Variants in ADA2 observed in about 807,000 individuals in gnomAD.
ADA2 encodes adenosine deaminase 2.
Under a neutral mutation model 44.2 loss-of-function variants are expected in ADA2, and 29 were observed. The ratio of observed to expected loss-of-function variants is 0.66; its 90% CI spans 0.49 to 0.89. The LOEUF (loss-of-function observed/expected upper bound fraction) is 0.89. ADA2 is among the 40% of genes least tolerant of loss of function. ADA2 has a pLI of 0.00. For synonymous variants in ADA2, 215 were observed against 234.9 expected (o/e 0.92, Z 0.77); for missense variants, 637 against 644.8 (o/e 0.99, Z 0.13).
At chr22:17,207,980 C>T (rs547721238) in intron 2 of ADA2, among the ~76,000 whole-genome samples, 2 of 152,296 alleles carry the variant, frequency 1.3e-5, no homozygotes, top group Admixed American at 6.5e-5. Context: ...AGGCACAGTG[C>T]ATGCTGTCCC....
intron 7 of ADA2, among the ~76,000 whole-genome samples, chr22:17,186,100 G>GGGGCA (rs966612974): frequency 2.0e-5 from 3 of 152,200 alleles, no homozygotes; most frequent in Non-Finnish European, 4.4e-5. Context: ...GGGCCTGCAT[G>GGGGCA]GGGCAGGGCA....
At chr22:17,211,874 G>A (rs950572477) in intron 1 of ADA2, among the ~76,000 whole-genome samples, 2 of 151,944 alleles carry the variant, frequency 1.3e-5, no homozygotes, top group African/African-American at 2.4e-5. Flanking sequence ...GTTGCAGTGA[G>A]CCAAGATCGT....
intron 7 of ADA2, among the ~76,000 whole-genome samples, chr22:17,184,395 GATTCCTCCCTGAT>G (rs1481573531): frequency 6.6e-6 from 1 of 152,086 alleles, no homozygotes; most frequent in African/African-American, 2.4e-5. Flanking sequence ...AGCTTTGGGG[GATTCCTCCCTGAT>G]AAAAGGGGAT....
In ADA2 at chr22:17,203,720, T is replaced by C; in HGVS notation, c.596A>G (p.Asn199Ser). ...AAATTTCGACCAGACAACATTTTGG[T>C]TTGTGTAAATCACCTCCGGGTGCTG... ...VTQHPEVIYTNQNVVWSKFET... is the reference protein window; with the variant it reads ...VTQHPEVIYTSQNVVWSKFET... Residue 199 changes from asparagine (N) to serine (S), a missense_variant, in exon 4 of 10, where the codon AAC becomes AGC. By Grantham distance (46) the Asn-to-Ser change is conservative. Transcript: ENST00000399837. 3.7e-6 allele frequency: 6 copies of C among 1,614,174 alleles called. No individual in the cohort carries two copies. Among genetic ancestry groups the C allele is most frequent in the Non-Finnish European group, 5.1e-6 (6 of 1,180,012 alleles).
intron 4 of ADA2, among the ~76,000 whole-genome samples, chr22:17,195,620 A>G (rs1252653681): frequency 6.6e-6 from 1 of 152,118 alleles, no homozygotes; most frequent in Non-Finnish European, 1.5e-5. Context: ...TGGTGGTGCA[A>G]TCTTGGTTCA....
intron 1 of ADA2, among the ~76,000 whole-genome samples, chr22:17,211,220 A>G (rs1281022645): frequency 6.6e-6 from 1 of 151,796 alleles, no homozygotes; most frequent in Non-Finnish European, 1.5e-5. Flanking sequence ...TTAGCTGGGC[A>G]TGGTGACGCA....
chr22:17,197,933 G>A (rs1041389919), intron 4 of ADA2, among the ~76,000 whole-genome samples: 4 of 152,002 alleles, frequency 2.6e-5, no homozygotes, highest in Non-Finnish European at 5.9e-5. Flanking sequence ...AGCTACTCGG[G>A]AGGCTGAGGC....
intron 4 of ADA2, chr22:17,193,141 C>T: frequency 2.1e-6 from 3 of 1,412,386 alleles, no homozygotes; most frequent in Non-Finnish European, 2.0e-6. Flanking sequence ...AGTTCCTGGT[C>T]CACAACATCA....
At chr22:17,191,296 C>T (rs1198385391) in intron 5 of ADA2, among the ~76,000 whole-genome samples, 1 of 152,244 alleles carries the variant, frequency 6.6e-6, no homozygotes, top group East Asian at 1.9e-4. Flanking sequence ...AGGACTCACA[C>T]ACAACCACAC....
At chr22:17,219,585 T>C (rs1327333547), upstream of ADA2, 12 of 152,158 alleles carry the variant, frequency 7.9e-5, no homozygotes, top group African/African-American at 2.9e-4. Context: ...CATCTGAGTT[T>C]GATGTGGGGG....
At chr22:17,221,458 C>A (rs2123744583), upstream of ADA2, among the ~76,000 whole-genome samples, 1 of 152,146 alleles carries the variant, frequency 6.6e-6, no homozygotes. Flanking sequence ...CCCCGACAGG[C>A]CCTGGTGTGT....
intron 4 of ADA2, among the ~76,000 whole-genome samples, chr22:17,200,614 G>A (rs1214974706): frequency 6.6e-6 from 1 of 152,142 alleles, no homozygotes; most frequent in East Asian, 1.9e-4. Context: ...TAAGGAAAAG[G>A]CCGGGCATGG....
chr22:17,213,589 A>C (rs1459116004), intron 1 of ADA2: 1 of 293,188 alleles, frequency 3.4e-6, no homozygotes, highest in Non-Finnish European at 6.8e-6. Context: ...AAGCGGAAGA[A>C]GAAAAAGAAG....
At chr22:17,218,504 G>A (rs757031700) in intron 1 of ADA2, among the ~76,000 whole-genome samples, 8 of 152,060 alleles carry the variant, frequency 5.3e-5, no homozygotes, top group Non-Finnish European at 7.3e-5. Flanking sequence ...GGAGCACGGT[G>A]ACTTCTATGT....
chr22:17,209,033 G>A (rs2062388099), intron 2 of ADA2, among the ~76,000 whole-genome samples: 1 of 151,798 alleles, frequency 6.6e-6, no homozygotes, highest in African/African-American at 2.4e-5. Flanking sequence ...GTTTCATGGA[G>A]GTGTGTTTAT....
At chr22:17,184,594 T>C (rs1439778054) in intron 7 of ADA2, among the ~76,000 whole-genome samples, 1 of 152,008 alleles carries the variant, frequency 6.6e-6, no homozygotes, top group African/African-American at 2.4e-5. Context: ...ATGTACTCTA[T>C]TCTTGCAGCC....
At chr22:17,197,256 C>T (rs977415751) in intron 4 of ADA2, among the ~76,000 whole-genome samples, 5 of 149,722 alleles carry the variant, frequency 3.3e-5, no homozygotes, top group African/African-American at 9.8e-5. Context: ...TTTTTTCTTT[C>T]TTTCTTTTTT....
chr22:17,201,359 A>G (rs1451250624), intron 4 of ADA2, among the ~76,000 whole-genome samples: 2 of 152,204 alleles, frequency 1.3e-5, no homozygotes, highest in African/African-American at 2.4e-5. Flanking sequence ...GCGGAGTCCT[A>G]TCACTTCTGG....
At chr22:17,183,492 G>A (rs2061997887) in intron 7 of ADA2, among the ~76,000 whole-genome samples, 5 of 113,134 alleles carry the variant, frequency 4.4e-5, no homozygotes. Flanking sequence ...ACGGAGTCTT[G>A]CTCTGTCGCC....
Sources: allele counts gnomAD v4.1 joint callset (sites outside exome capture counted in the v4.1 genomes callset), GRCh38; gene constraint gnomAD v4.1.1; transcripts MANE v1.5; gene names NCBI Gene and HGNC (gene_info 2026-07-23, HGNC 2026-07-21).